Variants in SGCZ observed in about 807,000 individuals in gnomAD.
SGCZ encodes zeta-sarcoglycan.
A neutral mutation model predicts 41.3 loss-of-function variants in SGCZ; 40 were observed. The observed-to-expected ratio is 0.97, with a 90% confidence interval of 0.75 to 1.26. The LOEUF is 1.26. Among genes scored for constraint, SGCZ ranks in the 50% most tolerant of loss-of-function variants. The pLI is 0.00. For missense variants in SGCZ, 552 were observed against 369.8 expected, an observed-to-expected ratio of 1.49 and a Z score of -4.04; for synonymous variants, 206 against 137.5, an observed-to-expected ratio of 1.50 and a Z score of -3.49.
At position 14,528,843 on chromosome 8, in the gene SGCZ, C is replaced by CAA. The variant is rs1299131981; in HGVS notation, c.234+25887_234+25888dup. ...CGGACCAGCCAAAAAAAAAACAAAA[C>CAA]AAAAACAAAAAAAGAGAAAGTGCCA... On this transcript the variant is annotated intron_variant, in intron 2 of 7. Coordinates refer to ENST00000382080, the MANE Select transcript of SGCZ (RefSeq NM_139167.4). Among the ~76,000 whole-genome samples, 22 of 140,178 alleles carry CAA rather than the reference C, an allele frequency of 1.6e-4. No individual in the cohort carries two copies. The East Asian group carries it at 3.4e-3, about 22-fold the overall frequency. The allele number at this position is 140,178 out of a possible 152,430, so 92.0% of individuals were successfully genotyped here.
intron 1 of SGCZ, among the ~76,000 whole-genome samples, chr8:14,718,290 C>T (rs1419703695): frequency 6.6e-6 from 1 of 151,742 alleles, no homozygotes; most frequent in African/African-American, 2.4e-5. Context: ...CAGGAGACAG[C>T]TGCTATAAGG....
At chr8:14,621,262 G>T (rs1299199252) in intron 1 of SGCZ, among the ~76,000 whole-genome samples, 1 of 126,414 alleles carries the variant, frequency 7.9e-6, no homozygotes, top group Non-Finnish European at 1.6e-5. Flanking sequence ...ACAGGAAGGG[G>T]AACATCACAC....
At chr8:14,300,746 A>T (rs1801158486) in intron 3 of SGCZ, among the ~76,000 whole-genome samples, 1 of 151,944 alleles carries the variant, frequency 6.6e-6, no homozygotes, top group African/African-American at 2.4e-5. Flanking sequence ...TTAAAAATTT[A>T]TCTCTTAGCC....
Position 14,363,876 on chromosome 8 carries a change from T to C in SGCZ, c.235-39672A>G, listed in dbSNP as rs971697275. Reference sequence around the variant, plus strand: ...GACAGATTTATTTCCTCTTTAATTATTGGTTATTTTGAAAATGTGTATCCA... The same window carrying C: ...GACAGATTTATTTCCTCTTTAATTACTGGTTATTTTGAAAATGTGTATCCA... On this transcript the variant is annotated intron_variant, in intron 2 of 7. Transcript: ENST00000382080. 5.3e-5 allele frequency among the ~76,000 whole-genome samples: 8 copies of C among 152,202 alleles called. No individual in the cohort carries two copies. The South Asian group carries it at 8.3e-4, about 16-fold the overall frequency.
chr8:14,710,555 G>T (rs903178400), intron 1 of SGCZ, among the ~76,000 whole-genome samples: 1 of 151,764 alleles, frequency 6.6e-6, no homozygotes, highest in East Asian at 1.9e-4. Context: ...CACTGTCTAC[G>T]TGAGTTAATA....
chr8:14,452,428 A>G (rs1800621706), intron 2 of SGCZ, among the ~76,000 whole-genome samples: 1 of 152,100 alleles, frequency 6.6e-6, no homozygotes, highest in Non-Finnish European at 1.5e-5. Flanking sequence ...GTGCAATTCC[A>G]AGAGTGAATA....
At chr8:14,583,926 T>C (rs1410676685) in intron 1 of SGCZ, among the ~76,000 whole-genome samples, 2 of 152,182 alleles carry the variant, frequency 1.3e-5, no homozygotes, top group African/African-American at 2.4e-5. Context: ...CAATTATGTA[T>C]GATGCCTTAA....
intron 1 of SGCZ, among the ~76,000 whole-genome samples, chr8:15,195,683 C>G (rs1800700828): frequency 6.6e-6 from 1 of 152,132 alleles, no homozygotes; most frequent in African/African-American, 2.4e-5. Context: ...CAGGATTACT[C>G]TGAAATGTTG....
intron 1 of SGCZ, among the ~76,000 whole-genome samples, chr8:14,745,499 T>C (rs1460114942): frequency 6.6e-6 from 1 of 152,098 alleles, no homozygotes; most frequent in East Asian, 1.9e-4. Context: ...GGGAGGATGC[T>C]TGAGCCCAGG....
chr8:15,191,377 T>C (rs1025655230), intron 1 of SGCZ, among the ~76,000 whole-genome samples: 51 of 152,114 alleles, frequency 3.4e-4, no homozygotes, highest in African/African-American at 1.2e-3. Flanking sequence ...ACAAATGATG[T>C]AGAAAATATA....
At chr8:15,176,073 G>A (rs980066500) in intron 1 of SGCZ, among the ~76,000 whole-genome samples, 1 of 152,146 alleles carries the variant, frequency 6.6e-6, no homozygotes, top group East Asian at 1.9e-4. Context: ...TTCTCAAAGT[G>A]TTAAGTTTAA....
chr8:14,738,580 C>G (rs934666206), intron 1 of SGCZ, among the ~76,000 whole-genome samples: 2 of 152,072 alleles, frequency 1.3e-5, no homozygotes, highest in African/African-American at 4.8e-5. Context: ...TTCTGATACA[C>G]CACTCTTAAG....
intron 3 of SGCZ, among the ~76,000 whole-genome samples, chr8:14,240,878 T>G (rs9657233): frequency 2.0e-5 from 3 of 152,198 alleles, no homozygotes. Context: ...TTAAAACACA[T>G]GTATGTGATA....
At chr8:14,651,549 G>A (rs1807398192) in intron 1 of SGCZ, among the ~76,000 whole-genome samples, 1 of 151,950 alleles carries the variant, frequency 6.6e-6, no homozygotes, top group Non-Finnish European at 1.5e-5. Flanking sequence ...TCTCTTTTGT[G>A]TTTTCTTAAT....
Position 14,551,506 on chromosome 8 carries a change from ATTATATATATT to A in SGCZ, c.234+3215_234+3225del, listed in dbSNP as rs1563404372. Among the ~76,000 whole-genome samples, 36 of 9,040 alleles carry A rather than the reference ATTATATATATT, an allele frequency of 4.0e-3. 1 individual carries two copies. Among genetic ancestry groups the A allele is most frequent in the South Asian group, 0.029 (8 of 278 alleles). The allele number at this position is 9,040 out of a possible 152,430, so 5.9% of individuals were successfully genotyped here. A position where few individuals can be genotyped will look rare whatever the true frequency, so the allele number is the denominator to read the frequency against. ...TATATATATTATATATATTATATATATTATATATATTATATATAATATATATAATATATATA... is the reference window on the plus strand; with the variant it reads ...TATATATATTATATATATTATATATAATATATAATATATATAATATATATA... On this transcript the variant is annotated intron_variant, in intron 2 of 7. Coordinates refer to ENST00000382080, the MANE Select transcript of SGCZ (RefSeq NM_139167.4).
At position 15,002,887 on chromosome 8, in the gene SGCZ, G is replaced by A. The variant is rs373111474; in HGVS notation, c.39+234698C>T. On this transcript the variant is annotated intron_variant, in intron 1 of 7. Coordinates refer to ENST00000382080, the MANE Select transcript of SGCZ (RefSeq NM_139167.4). Reference sequence around the variant, plus strand: ...ACATGCCATAGGAGGGACCCTGGGGGAGGTAATGGAATCATGGGGTTGGGT... The same window carrying A: ...ACATGCCATAGGAGGGACCCTGGGGAAGGTAATGGAATCATGGGGTTGGGT... 2.3e-3 allele frequency among the ~76,000 whole-genome samples: 357 copies of A among 152,248 alleles called. 8 individuals are homozygous for A. The South Asian group carries it at 0.032, about 14-fold the overall frequency.
intron 1 of SGCZ, among the ~76,000 whole-genome samples, chr8:14,875,729 G>C (rs572434871): frequency 1.3e-5 from 2 of 152,202 alleles, no homozygotes; most frequent in Admixed American, 6.5e-5. Context: ...TGTGATACGG[G>C]GGAAAGAATA....
chr8:14,567,278 C>T (rs940773806), intron 1 of SGCZ, among the ~76,000 whole-genome samples: 1 of 152,230 alleles, frequency 6.6e-6, no homozygotes, highest in Admixed American at 6.5e-5. Context: ...GCGGGATCCA[C>T]TGGGTGAAGC....
intron 5 of SGCZ, among the ~76,000 whole-genome samples, chr8:14,131,486 G>C (rs1554464078): frequency 6.6e-6 from 1 of 152,142 alleles, no homozygotes; most frequent in African/African-American, 2.4e-5. Flanking sequence ...TATGGTTCCT[G>C]ATGACAAATT....
Sources: gnomAD v4.1 joint callset for allele counts (sites outside exome capture counted in the v4.1 genomes callset) on GRCh38, gnomAD v4.1.1 for gene constraint, MANE v1.5 for transcripts, NCBI Gene and HGNC (gene_info 2026-07-23, HGNC 2026-07-21) for gene names.